The following GOLGA7 variants were observed in gnomAD, a reference collection of about 807,000 sequenced individuals.
GOLGA7 encodes the protein golgin A7.
Under a neutral mutation model 21.1 loss-of-function variants are expected in GOLGA7, and 10 were observed. The observed-to-expected ratio is 0.47, with a 90% CI of 0.29 to 0.80. The LOEUF (loss-of-function observed/expected upper bound fraction) is 0.80, where lower values mean the gene tolerates loss of function less well. GOLGA7 is among the 30% of genes least tolerant of loss of function. The pLI, the probability that GOLGA7 is intolerant of heterozygous loss-of-function variation, is 0.08. For synonymous variants in GOLGA7, 64 were observed against 62.6 expected, an observed-to-expected ratio of 1.02 and a Z score of -0.10; for missense variants, 114 against 166.8, an observed-to-expected ratio of 0.68 and a Z score of 1.74.
chr8:41,493,112 T>G (rs192178795), intron 1 of GOLGA7, among the ~76,000 whole-genome samples: 1 of 152,366 alleles, frequency 6.6e-6, no homozygotes, highest in East Asian at 1.9e-4. Context: ...GAATTTCTTT[T>G]TTCTTTTTAA....
intron 2 of GOLGA7, among the ~76,000 whole-genome samples, chr8:41,499,403 T>G (rs1209932724): frequency 6.6e-6 from 1 of 152,230 alleles, no homozygotes; most frequent in Non-Finnish European, 1.5e-5. Context: ...AGTTCTTGCC[T>G]TGGTGTACCA....
intron 2 of GOLGA7, among the ~76,000 whole-genome samples, chr8:41,505,566 C>T (rs1181323680): frequency 2.6e-5 from 4 of 152,192 alleles, no homozygotes; most frequent in Admixed American, 2.6e-4. Flanking sequence ...AAAAGAGAAG[C>T]TTGAGCAGCC....
intron 2 of GOLGA7, among the ~76,000 whole-genome samples, chr8:41,499,189 A>G (rs1806090835): frequency 1.3e-5 from 2 of 152,082 alleles, no homozygotes; most frequent in South Asian, 2.1e-4. Flanking sequence ...CTGCTGCTCA[A>G]ACCTCTAGGA....
At chr8:41,491,755 A>C (rs988883240) in intron 1 of GOLGA7, among the ~76,000 whole-genome samples, 8 of 151,894 alleles carry the variant, frequency 5.3e-5, no homozygotes, top group Non-Finnish European at 1.0e-4. Context: ...TTGTGTGCCC[A>C]CATATGTACA....
chr8:41,494,344 G>A (rs994462188), intron 1 of GOLGA7, among the ~76,000 whole-genome samples: 1 of 152,090 alleles, frequency 6.6e-6, no homozygotes, highest in African/African-American at 2.4e-5. Flanking sequence ...AGGGTTTCCG[G>A]GATAAACAGT....
chr8:41,491,491 G>A lies in GOLGA7; in HGVS notation c.111+526G>A, dbSNP rs1278762920. ...CTTTCTTGGAACCTTAAAGACGTCG[G>A]GCGTTAGATAGGCCTGGACAGGAAA... is the stretch of plus-strand genomic sequence containing the variant. On this transcript the variant is annotated intron_variant, in intron 1 of 4. Transcript: ENST00000357743. Among the ~76,000 whole-genome samples the A allele has an allele frequency of 2.0e-5, 3 of 152,268 alleles. No homozygotes were observed. The East Asian group carries it at 5.8e-4, about 29-fold the overall frequency.
At position 41,510,012 on chromosome 8, in the gene GOLGA7, A is replaced by G. The variant is rs1337788989; in HGVS notation, c.*444A>G. 1 of 152,496 alleles carries G rather than the reference A, an allele frequency of 6.6e-6. No individual in the cohort carries two copies. Among genetic ancestry groups the G allele is most frequent in the African/African-American group, 2.4e-5 (1 of 41,412 alleles). 9.4% of individuals were successfully genotyped at this position (152,496 alleles called of 1,614,324 possible). ...TTCTATCTTGTTCCCCTAAATTAAT[A>G]AAATGTTTTTCTCCAGGATTTTGGT... On this transcript the variant is annotated 3_prime_UTR_variant, in exon 5 of 5. Transcript: ENST00000357743.
intron 2 of GOLGA7, among the ~76,000 whole-genome samples, chr8:41,505,276 T>C (rs1028015221): frequency 1.3e-5 from 2 of 152,220 alleles, no homozygotes; most frequent in Non-Finnish European, 2.9e-5. Flanking sequence ...ATGAGCAAAC[T>C]GCAGAATAGC....
intron 2 of GOLGA7, among the ~76,000 whole-genome samples, chr8:41,502,994 C>T (rs1806185792): frequency 6.6e-6 from 1 of 151,992 alleles, no homozygotes; most frequent in Middle Eastern, 3.2e-3. Context: ...TATTAATGCT[C>T]TTCTGCTATT....
At chr8:41,504,132 A>AAAAAAC (rs1554540023) in intron 2 of GOLGA7, among the ~76,000 whole-genome samples, 1 of 131,038 alleles carries the variant, frequency 7.6e-6, no homozygotes, top group Non-Finnish European at 1.7e-5. Context: ...AAAAAAAAAA[A>AAAAAAC]AAAACAAAAC....
chr8:41,497,371 G>A (rs920171847), intron 1 of GOLGA7, 138 bp from the exon 2 acceptor site: 10 of 547,326 alleles, frequency 1.8e-5, no homozygotes, highest in African/African-American at 1.3e-4. Flanking sequence ...AAGCAGTTTT[G>A]GTAACTTAGG....
intron 1 of GOLGA7, among the ~76,000 whole-genome samples, chr8:41,493,448 T>C (rs1393673070): frequency 6.6e-6 from 1 of 152,246 alleles, no homozygotes; most frequent in Non-Finnish European, 1.5e-5. Context: ...TAGGATAGGT[T>C]CTGTCTGTTA....
At chr8:41,490,995 T>A in intron 1 of GOLGA7, 30 bp downstream of exon 1, 4 of 1,240,736 alleles carry the variant, frequency 3.2e-6, no homozygotes, top group Non-Finnish European at 3.5e-6. Context: ...ACGCCTGCTC[T>A]GGCGAGGGAG....
At chr8:41,503,323 G>C (rs1002083764) in intron 2 of GOLGA7, among the ~76,000 whole-genome samples, 2 of 143,092 alleles carry the variant, frequency 1.4e-5, no homozygotes, top group Non-Finnish European at 3.0e-5. Flanking sequence ...CCCTTTGTCA[G>C]ATGAGTAGGT....
intron 4 of GOLGA7, among the ~76,000 whole-genome samples, chr8:41,507,635 C>T (rs1806318126): frequency 6.6e-6 from 1 of 152,110 alleles, no homozygotes; most frequent in Non-Finnish European, 1.5e-5. Context: ...AATTTCATTC[C>T]TTTGTTTAAA....
intron 2 of GOLGA7, among the ~76,000 whole-genome samples, chr8:41,498,183 A>C (rs1806065547): frequency 6.6e-6 from 1 of 152,028 alleles, no homozygotes; most frequent in South Asian, 2.1e-4. Flanking sequence ...AGTATCTTTC[A>C]TTTTCCCAGT....
intron 3 of GOLGA7, among the ~76,000 whole-genome samples, chr8:41,506,833 A>G (rs1183677587): frequency 6.6e-6 from 1 of 152,238 alleles, no homozygotes; most frequent in African/African-American, 2.4e-5. Flanking sequence ...TTTTCAAAAC[A>G]TAAGTTATCA....
At position 41,495,350 on chromosome 8, in the gene GOLGA7, T is replaced by C. The variant is rs1805984618; in HGVS notation, c.112-2159T>C. On this transcript the variant is annotated intron_variant, in intron 1 of 4. Coordinates refer to ENST00000357743, the MANE Select transcript of GOLGA7 (RefSeq NM_001002296.2). ...CCCAGACTGGAGTGCAGTGGTGAGA[T>C]CTCAGTTCACTGCAACCTCCACTTC... 2.6e-5 allele frequency among the ~76,000 whole-genome samples: 4 copies of C among 151,496 alleles called. No homozygotes were observed. In the East Asian group the frequency reaches 7.8e-4, roughly 30 times the overall value.
At chr8:41,493,721 T>C (rs1418736448) in intron 1 of GOLGA7, among the ~76,000 whole-genome samples, 1 of 152,232 alleles carries the variant, frequency 6.6e-6, no homozygotes, top group African/African-American at 2.4e-5. Context: ...TCACCATGCT[T>C]TCTACTGTGT....
Sources: allele counts gnomAD v4.1 joint callset (sites outside exome capture counted in the v4.1 genomes callset), GRCh38; gene constraint gnomAD v4.1.1; transcripts MANE v1.5; gene names NCBI Gene and HGNC (gene_info 2026-07-23, HGNC 2026-07-21).